The following ZNF687 variants were observed in gnomAD, a reference collection of about 807,000 sequenced individuals.
ZNF687 encodes zinc finger protein 687.
Under a neutral mutation model 71.8 loss-of-function variants are expected in ZNF687, and 13 were observed. That is an observed-to-expected ratio of 0.18 (90% CI 0.12 to 0.29). The LOEUF (loss-of-function observed/expected upper bound fraction) is 0.29, where lower values mean the gene tolerates loss of function less well. Ranked by LOEUF, ZNF687 falls within the 10% of genes least tolerant of loss-of-function variation. ZNF687 has a pLI of 1.00. For synonymous variants in ZNF687, 673 were observed against 641.6 expected (o/e 1.05, Z -0.74); for missense variants, 1,412 against 1,625.6 (o/e 0.87, Z 2.26).
Position 151,287,929 on chromosome 1 carries a change from G to C in ZNF687, c.1638G>C (p.Lys546Asn), listed in dbSNP as rs1431447941. ...GTGGGGATGCCTTCTCATTGGAGAA[G>C]AGCCTGGCACGGCACTATGACCGTC... is the stretch of plus-strand genomic sequence containing the variant. ...LECGDAFSLEKSLARHYDRRS... is the reference protein window; with the variant it reads ...LECGDAFSLENSLARHYDRRS... Residue 546 changes from lysine to asparagine, a missense_variant, in exon 2 of 9, where the codon AAG (lysine) becomes AAC (asparagine). By Grantham distance (94) the Lys-to-Asn change is moderately conservative. This residue lies in a region of ZNF687 where 50 missense variants were observed against 106.6 expected (regional missense o/e 0.47). Transcript: ENST00000336715. This position sits in a 1 kb window ranked among gnomAD's most constrained non-coding sequence, Gnocchi z 5.0. 1 of 1,613,686 alleles carries C rather than the reference G, an allele frequency of 6.2e-7. No homozygotes were observed. The highest frequency in any genetic ancestry group is 8.5e-7 in the Non-Finnish European group (1 of 1,180,010).
In ZNF687 at chr1:151,286,921, G is replaced by A. The variant is rs780049038; in HGVS notation, c.630G>A (p.Gln210=). The A allele has an allele frequency of 3.7e-6, 6 of 1,612,922 alleles. No individual in the cohort carries two copies. The South Asian group carries it at 6.6e-5, about 18-fold the overall frequency. The part of the protein sequence containing the change: ...ELAQENGPGM[Q]PPVSSPPLGA... ...CCCAGGAGAATGGCCCAGGCATGCA[G>A]CCACCTGTTTCTTCCCCACCATTGG... The change falls in exon 2 of 9, where the codon CAG becomes CAA. Residue 210 remains glutamine (Q), a synonymous_variant. Coordinates refer to ENST00000336715, the MANE Select transcript of ZNF687 (RefSeq NM_020832.3).
intron 1 of ZNF687, chr1:151,283,053 C>G: frequency 2.1e-6 from 2 of 958,280 alleles, no homozygotes; most frequent in South Asian, 9.6e-5. Context: ...TGCTGCGCAG[C>G]AGCTCCCAAA....
intron 1 of ZNF687, among the ~76,000 whole-genome samples, chr1:151,284,791 C>T (rs1693871607): frequency 6.8e-6 from 1 of 147,658 alleles, no homozygotes; most frequent in African/African-American, 2.5e-5. Flanking sequence ...GTGCTCTCTG[C>T]CTTGTCTTGT....
chr1:151,282,042 A>G (rs1255799596), upstream of ZNF687: 2 of 1,279,424 alleles, frequency 1.6e-6, no homozygotes, highest in African/African-American at 3.1e-5. Context: ...AGACTCGTAG[A>G]TGGGGCAGAC....
rs140159110 is a variant in ZNF687 at position 151,288,034 on chromosome 1, T to C, written c.1743T>C (p.His581=). 4.2e-5 allele frequency: 68 copies of C among 1,614,096 alleles called. No homozygotes were observed. The highest frequency in any genetic ancestry group is 1.6e-4 in the Middle Eastern group (1 of 6,062). ...TCAACAAGTGCAGCCTGCTCCTGCA[T>C]GCACGTGAACACAAGGACAAGGGGC... ...VFFNKCSLLL[H]AREHKDKGLV... The change falls in exon 2 of 9, where the codon CAT becomes CAC. Residue 581 remains histidine (H), a synonymous_variant. Transcript: ENST00000336715.
intron 7 of ZNF687, 44 bp from the exon 8 acceptor site, chr1:151,290,388 T>C: frequency 6.2e-7 from 1 of 1,613,484 alleles, no homozygotes; most frequent in Non-Finnish European, 8.5e-7. Context: ...GGCCCTGGCC[T>C]TCGGGCTGTG....
chr1:151,281,878 T>TA (rs1693725560), upstream of ZNF687: 1 of 505,608 alleles, frequency 2.0e-6, no homozygotes, highest in Admixed American at 3.8e-5. Flanking sequence ...CTGGGTTCCT[T>TA]ACATTCGCGA....
chr1:151,287,614 G>C lies in ZNF687; in HGVS notation c.1323G>C (p.Val441=). The C allele has an allele frequency of 6.2e-7, 1 of 1,613,478 alleles. No homozygotes were observed. Among genetic ancestry groups the C allele is most frequent in the Non-Finnish European group, 8.5e-7 (1 of 1,179,682 alleles). The part of the protein sequence containing the change: ...ATSPKMIAKN[V]LGLVPQALPK... ...GCCCTAAGATGATTGCTAAGAACGT[G>C]CTAGGCCTGGTGCCCCAAGCCCTGC... Residue 441 remains valine, a synonymous_variant, in exon 2 of 9, where the codon GTG becomes GTC. Transcript: ENST00000336715. The surrounding 1 kb of genome is among the most constrained non-coding windows in gnomAD (Gnocchi z 5.0).
In ZNF687 at chr1:151,290,958, T is replaced by A; in HGVS notation, c.3463T>A (p.Phe1155Ile). ...CCCTGGCTCCCTGAGCCGACACCGT[T>A]TCATCAGCCACAAGAAGAGACGGGG... ...ASPGSLSRHR[F>I]ISHKKRRGVG... The change falls in exon 9 of 9, where the codon TTC becomes ATC. Residue 1155 changes from phenylalanine (F) to isoleucine (I), a missense_variant. Coordinates refer to ENST00000336715, the MANE Select transcript of ZNF687 (RefSeq NM_020832.3). 1.9e-6 allele frequency: 3 copies of A among 1,613,772 alleles called. No homozygotes were observed. Among genetic ancestry groups the A allele is most frequent in the Non-Finnish European group, 2.5e-6 (3 of 1,179,980 alleles).
In ZNF687 at chr1:151,291,129, C is replaced by T. The variant is rs2101889287; in HGVS notation, c.3634C>T (p.Pro1212Ser). ...CKVCGKSCDS[P>S]LNLKTHFRTH... ...GGTCTGTGGCAAGAGCTGCGACAGC[C>T]CTCTAAACCTCAAGACCCACTTCCG... The change falls in exon 9 of 9, where the codon CCT becomes TCT. Residue 1212 changes from proline (P) to serine (S), a missense_variant. This residue lies in a region of ZNF687 where 284 missense variants were observed against 359.2 expected (regional missense o/e 0.79). Transcript: ENST00000336715. The T allele has an allele frequency of 1.2e-6, 2 of 1,613,242 alleles. No homozygotes were observed. The highest frequency in any genetic ancestry group is 1.7e-5 in the Admixed American group (1 of 60,006).
At chr1:151,289,571 C>T in intron 5 of ZNF687, 31 bp downstream of exon 5, 1 of 1,613,874 alleles carries the variant, frequency 6.2e-7, no homozygotes, top group Non-Finnish European at 8.5e-7. Context: ...GGAATGGGTG[C>T]TTAGCTGTAC....
Position 151,288,378 on chromosome 1 carries a change from G to GC in ZNF687, c.2093dup (p.Ala699CysfsTer30). 1 of 1,606,392 alleles carries GC rather than the reference G, an allele frequency of 6.2e-7. No homozygotes were observed. ...ATGGCAGCTCACTTCCAGCAGCTCGGCCCCCCTGCCCCTGGGGCCACCAGC... is the reference window on the plus strand; with the variant it reads ...ATGGCAGCTCACTTCCAGCAGCTCGGCCCCCCCTGCCCCTGGGGCCACCAGC... On this transcript the variant is annotated frameshift_variant, in exon 2 of 9. Transcript: ENST00000336715. LOFTEE classifies it high-confidence loss of function.
chr1:151,290,305 A>T (rs1694167066), intron 7 of ZNF687, 71 bp downstream of exon 7: 3 of 1,608,008 alleles, frequency 1.9e-6, no homozygotes, highest in Non-Finnish European at 1.7e-6. Context: ...GTACCTGTGC[A>T]CCTGCGACGT....
chr1:151,284,205 A>T, intron 1 of ZNF687: 1 of 985,302 alleles, frequency 1.0e-6, no homozygotes, highest in Non-Finnish European at 1.2e-6. Flanking sequence ...AGCAGAAATG[A>T]TGGGTGAGGG....
At chr1:151,288,822 TG>T (rs1360597261) in intron 3 of ZNF687, 116 bp downstream of exon 3, 1 of 1,310,306 alleles carries the variant, frequency 7.6e-7, no homozygotes, top group African/African-American at 1.5e-5. Context: ...CCTGTTGTTT[TG>T]CCAGACTCAA....
At chr1:151,290,065 T>C in intron 6 of ZNF687, 57 bp from the exon 7 acceptor site, 1 of 1,610,138 alleles carries the variant, frequency 6.2e-7, no homozygotes, top group Admixed American at 1.7e-5. Context: ...ACTGCCAGTG[T>C]GACAGTGGGG....
rs1327304536 is a variant in ZNF687 at position 151,291,726 on chromosome 1, A to G, written c.*517A>G. 2.8e-5 allele frequency: 4 copies of G among 142,892 alleles called. No homozygotes were observed. The highest frequency in any genetic ancestry group is 2.8e-4 in the Admixed American group (4 of 14,458). 8.9% of individuals were successfully genotyped at this position (142,892 alleles called of 1,614,324 possible). On this transcript the variant is annotated 3_prime_UTR_variant, in exon 9 of 9. Transcript: ENST00000336715. Reference sequence around the variant, plus strand: ...GTGCCTTTCACTTCTTTTTTTCCCCAGAAATCCGGGGCGGGGGGGTGGGGG... The same window carrying G: ...GTGCCTTTCACTTCTTTTTTTCCCCGGAAATCCGGGGCGGGGGGGTGGGGG...
chr1:151,290,054 G>T (rs1694145008), intron 6 of ZNF687, 47 bp downstream of exon 6: 4 of 1,607,360 alleles, frequency 2.5e-6, no homozygotes, highest in Non-Finnish European at 3.4e-6. Flanking sequence ...GCAGCATTGG[G>T]ACTGCCAGTG....
Position 151,290,711 on chromosome 1 carries a change from T to A in ZNF687, c.3220-4T>A, listed in dbSNP as rs766601788. ...AAGGCCCAGTTTCTTCCACTTTTCT[T>A]CAGGGGCCAGGTCGGAAACGCCGCC... is the stretch of plus-strand genomic sequence containing the variant. On this transcript the variant is annotated splice_region_variant and splice_polypyrimidine_tract_variant and intron_variant, in intron 8 of 8. Coordinates refer to ENST00000336715, the MANE Select transcript of ZNF687 (RefSeq NM_020832.3). The A allele has an allele frequency of 5.5e-5, 88 of 1,593,276 alleles. No individual in the cohort carries two copies. Among genetic ancestry groups the A allele is most frequent in the Non-Finnish European group, 7.4e-5 (87 of 1,168,614 alleles).
Sources: allele counts gnomAD v4.1 joint callset (sites outside exome capture counted in the v4.1 genomes callset), GRCh38; gene constraint gnomAD v4.1.1; regional missense constraint gnomAD v4.1.1; non-coding constraint Gnocchi (gnomAD v3.1); transcripts MANE v1.5; gene names NCBI Gene and HGNC (gene_info 2026-07-23, HGNC 2026-07-21).